CAMTA1: variants seen among roughly 807,000 people sequenced by gnomAD.
CAMTA1 encodes the protein calmodulin binding transcription activator 1, also known as calmodulin-binding transcription activator 1.
In CAMTA1, 27 loss-of-function variants were observed where a neutral mutation model predicts 170.9. The observed-to-expected ratio is 0.16, with a 90% CI of 0.12 to 0.22. CAMTA1 has a LOEUF of 0.22. Ranked by LOEUF, CAMTA1 falls within the 10% of genes least tolerant of loss-of-function variation. CAMTA1 has a pLI of 1.00. For synonymous variants in CAMTA1, 833 were observed against 891.5 expected (o/e 0.93, Z 1.17); for missense variants, 1,619 against 2,217.2 (o/e 0.73, Z 5.42).
At chr1:7,402,987 A>C (rs1250213304) in intron 5 of CAMTA1, among the ~76,000 whole-genome samples, 2 of 152,204 alleles carry the variant, frequency 1.3e-5, no homozygotes, top group East Asian at 3.9e-4. Context: ...TTGTTTGAAT[A>C]AATGAACAAA....
chr1:6,801,879 G>A (rs543131549), intron 1 of CAMTA1, among the ~76,000 whole-genome samples: 1 of 151,932 alleles, frequency 6.6e-6, no homozygotes, highest in South Asian at 2.1e-4. Context: ...TGATTTTTAG[G>A]TGAGATTTTA....
chr1:7,587,210 T>G (rs1417896065), intron 6 of CAMTA1, among the ~76,000 whole-genome samples: 1 of 151,996 alleles, frequency 6.6e-6, no homozygotes, highest in African/African-American at 2.4e-5. Context: ...CACGAAGAAT[T>G]CATAGCCTAT....
At position 7,435,054 on chromosome 1, in the gene CAMTA1, C is replaced by T. The variant is rs1179338369; in HGVS notation, c.439-32776C>T. ...GTGACAGCAAAACCCTGTCTCAAAACAAGAAAAAAGAAAAAAAAGAAGGCA... is the reference window on the plus strand; with the variant it reads ...GTGACAGCAAAACCCTGTCTCAAAATAAGAAAAAAGAAAAAAAAGAAGGCA... On this transcript the variant is annotated intron_variant, in intron 5 of 22. Transcript: ENST00000303635. This position sits in a 1 kb window ranked among gnomAD's most constrained non-coding sequence, Gnocchi z 4.4. 4.0e-5 allele frequency among the ~76,000 whole-genome samples: 6 copies of T among 151,702 alleles called. No individual in the cohort carries two copies. The highest frequency in any genetic ancestry group is 8.8e-5 in the Non-Finnish European group (6 of 67,936).
intron 3 of CAMTA1, among the ~76,000 whole-genome samples, chr1:6,949,948 G>C (rs1255740541): frequency 6.6e-6 from 1 of 152,228 alleles, no homozygotes; most frequent in African/African-American, 2.4e-5. Flanking sequence ...ACTCAGATGC[G>C]TGGGTCATGC....
chr1:7,731,462 C>G lies in CAMTA1; in HGVS notation c.2915-986C>G, dbSNP rs112043687. On this transcript the variant is annotated intron_variant, in intron 11 of 22. Coordinates refer to ENST00000303635, the MANE Select transcript of CAMTA1 (RefSeq NM_015215.4). ...TTGCAGGCATCTGTAGTCCCAGCTA[C>G]TTGGGAGGCTGAGGCAGGAGAATCA... is the stretch of plus-strand genomic sequence containing the variant. Among the ~76,000 whole-genome samples the G allele has an allele frequency of 6.0e-4, 91 of 151,454 alleles. 1 individual carries two copies. The Middle Eastern group carries it at 0.01, about 17-fold the overall frequency.
intron 6 of CAMTA1, among the ~76,000 whole-genome samples, chr1:7,628,924 C>T (rs2095650659): frequency 2.0e-5 from 3 of 152,328 alleles, no homozygotes; most frequent in Middle Eastern, 3.4e-3. Flanking sequence ...CTGCAGCCCT[C>T]TGAGACCTGA....
chr1:6,989,031 C>G (rs1358787669), intron 3 of CAMTA1, among the ~76,000 whole-genome samples: 1 of 152,226 alleles, frequency 6.6e-6, no homozygotes, highest in Non-Finnish European at 1.5e-5. Flanking sequence ...CCAGGAGTCA[C>G]TTTCCCCTTT....
chr1:7,170,033 C>T (rs1193068467), intron 4 of CAMTA1, among the ~76,000 whole-genome samples: 2 of 152,010 alleles, frequency 1.3e-5, no homozygotes, highest in African/African-American at 2.4e-5. Context: ...TTGTGAATTC[C>T]GTTTTTATGC....
intron 7 of CAMTA1, among the ~76,000 whole-genome samples, chr1:7,653,140 G>A (rs1174740102): frequency 6.6e-6 from 1 of 152,204 alleles, no homozygotes; most frequent in East Asian, 1.9e-4. Context: ...TCTAACAAGT[G>A]TCAGGTGATT....
At chr1:6,895,233 G>A (rs565750931) in intron 3 of CAMTA1, among the ~76,000 whole-genome samples, 4 of 152,316 alleles carry the variant, frequency 2.6e-5, no homozygotes, top group Non-Finnish European at 4.4e-5. Flanking sequence ...GAACATGAAG[G>A]CTGAGATTCA....
At chr1:6,794,291 G>A (rs920607571) in intron 1 of CAMTA1, among the ~76,000 whole-genome samples, 1 of 152,124 alleles carries the variant, frequency 6.6e-6, no homozygotes, top group African/African-American at 2.4e-5. Context: ...TCAGCAGAAT[G>A]GAATATTTAA....
At chr1:6,904,965 A>G (rs1678055906) in intron 3 of CAMTA1, among the ~76,000 whole-genome samples, 2 of 151,516 alleles carry the variant, frequency 1.3e-5, no homozygotes, top group Non-Finnish European at 2.9e-5. Flanking sequence ...TTCTTTCTCC[A>G]ACAGGTTATT....
At chr1:7,497,163 C>T (rs530376519) in intron 6 of CAMTA1, among the ~76,000 whole-genome samples, 17 of 152,266 alleles carry the variant, frequency 1.1e-4, no homozygotes, top group East Asian at 3.9e-4. Context: ...TTCTGTCAGA[C>T]GGGAGAAGCT....
intron 3 of CAMTA1, among the ~76,000 whole-genome samples, chr1:7,038,468 A>C (rs887178499): frequency 2.0e-5 from 3 of 152,242 alleles, no homozygotes; most frequent in Non-Finnish European, 2.9e-5. Flanking sequence ...CAAAAATATA[A>C]CAAAATTGAA....
intron 5 of CAMTA1, among the ~76,000 whole-genome samples, chr1:7,453,905 T>G (rs2092890040): frequency 6.6e-6 from 1 of 152,216 alleles, no homozygotes. Context: ...GACCTGGAGG[T>G]GCATCCACTG....
intron 3 of CAMTA1, among the ~76,000 whole-genome samples, chr1:7,022,817 T>G (rs1701552233): frequency 6.6e-6 from 1 of 152,214 alleles, no homozygotes; most frequent in South Asian, 2.1e-4. Flanking sequence ...GGAATCTCTG[T>G]TCTCTCACTC....
intron 4 of CAMTA1, among the ~76,000 whole-genome samples, chr1:7,206,922 G>A (rs1657842017): frequency 1.3e-5 from 2 of 152,116 alleles, no homozygotes; most frequent in South Asian, 2.1e-4. Context: ...TCCATGGATT[G>A]CACACCCCAC....
intron 5 of CAMTA1, among the ~76,000 whole-genome samples, chr1:7,459,524 C>T (rs879600718): frequency 9.2e-5 from 14 of 152,182 alleles, no homozygotes; most frequent in Non-Finnish European, 1.5e-4. Context: ...TTCTTCCTGA[C>T]GTCTAGGCTT....
At chr1:7,236,145 C>G (rs1663812836) in intron 4 of CAMTA1, among the ~76,000 whole-genome samples, 1 of 152,188 alleles carries the variant, frequency 6.6e-6, no homozygotes, top group South Asian at 2.1e-4. Flanking sequence ...GTAAACAAGT[C>G]AGAGGAAGTC....
Sources: gnomAD v4.1 joint callset for allele counts (sites outside exome capture counted in the v4.1 genomes callset) on GRCh38, gnomAD v4.1.1 for gene constraint, Gnocchi (gnomAD v3.1) non-coding constraint, MANE v1.5 for transcripts, NCBI Gene and HGNC (gene_info 2026-07-23, HGNC 2026-07-21) for gene names.